Variants in RALGPS2 observed in about 807,000 individuals in gnomAD.
RALGPS2 encodes the protein ras-specific guanine nucleotide-releasing factor RalGPS2.
Under a neutral mutation model 86.8 loss-of-function variants are expected in RALGPS2, and 43 were observed. That is an observed-to-expected ratio of 0.50 (90% CI 0.39 to 0.64). The LOEUF (loss-of-function observed/expected upper bound fraction) is 0.64, where lower values mean the gene tolerates loss of function less well. Among genes scored for constraint, RALGPS2 ranks in the 30% least tolerant of loss-of-function variants. RALGPS2 has a pLI of 0.00. For synonymous variants in RALGPS2, 243 were observed against 231.3 expected, an observed-to-expected ratio of 1.05 and a Z score of -0.46; for missense variants, 536 against 694.6, an observed-to-expected ratio of 0.77 and a Z score of 2.57.
At chr1:178,740,795 C>T (rs151159408) in intron 1 of RALGPS2, among the ~76,000 whole-genome samples, 2 of 152,164 alleles carry the variant, frequency 1.3e-5, no homozygotes, top group African/African-American at 4.8e-5. Context: ...TCCCCACCCC[C>T]AGGAAAGATT....
chr1:178,772,104 T>C (rs1652838836), intron 1 of RALGPS2, among the ~76,000 whole-genome samples: 1 of 152,222 alleles, frequency 6.6e-6, no homozygotes, highest in Admixed American at 6.5e-5. Flanking sequence ...CACACTAATA[T>C]GCTATGTTCC....
intron 1 of RALGPS2, among the ~76,000 whole-genome samples, chr1:178,729,491 T>A (rs1431547164): frequency 6.6e-6 from 1 of 152,112 alleles, no homozygotes; most frequent in Non-Finnish European, 1.5e-5. Context: ...GTTCCTTTTT[T>A]AAAAAAAGAT....
chr1:178,801,250 T>TA (rs1654457365), intron 4 of RALGPS2, among the ~76,000 whole-genome samples: 1 of 152,066 alleles, frequency 6.6e-6, no homozygotes, highest in African/African-American at 2.4e-5. Flanking sequence ...TATGTGCATA[T>TA]GTGGGTCTCT....
chr1:178,791,287 ATTTTTT>A (rs563179993), intron 4 of RALGPS2, among the ~76,000 whole-genome samples: 4 of 128,322 alleles, frequency 3.1e-5, no homozygotes, highest in Non-Finnish European at 3.3e-5. Context: ...CACCTGCCTA[ATTTTTT>A]TTTTTTTTTT....
chr1:178,863,036 T>C (rs1261795708), intron 8 of RALGPS2, among the ~76,000 whole-genome samples: 1 of 152,232 alleles, frequency 6.6e-6, no homozygotes, highest in Non-Finnish European at 1.5e-5. Context: ...AATACTGTTA[T>C]TCCCATTTCA....
At chr1:178,856,425 T>TTTTTTTC (rs1558152837) in intron 8 of RALGPS2, among the ~76,000 whole-genome samples, 1 of 126,510 alleles carries the variant, frequency 7.9e-6, no homozygotes, top group East Asian at 2.3e-4. Flanking sequence ...TTTTTTTTTT[T>TTTTTTTC]TGAGAGATGA....
chr1:178,727,280 G>A (rs757000450), intron 1 of RALGPS2, among the ~76,000 whole-genome samples: 4 of 151,072 alleles, frequency 2.6e-5, no homozygotes, highest in African/African-American at 9.8e-5. Flanking sequence ...GCTCAGGCTG[G>A]TCTCAGACTC....
Position 178,727,229 on chromosome 1 carries a change from A to C in RALGPS2, c.-84+1810A>C, listed in dbSNP as rs180843596. 1.0e-4 allele frequency among the ~76,000 whole-genome samples: 15 copies of C among 147,456 alleles called. No homozygotes were observed. The East Asian group carries it at 2.2e-3, about 21-fold the overall frequency. The stretch of plus-strand genomic sequence containing the variant: ...ATGTGCGTTTTTCCCATTATATTCC[A>C]CTTTTTTTTTTTTCCTTTTAAGATA... On this transcript the variant is annotated intron_variant, in intron 1 of 19. Coordinates refer to ENST00000367635, the MANE Select transcript of RALGPS2 (RefSeq NM_152663.5).
At chr1:178,789,617 G>A (rs1327778810) in intron 4 of RALGPS2, among the ~76,000 whole-genome samples, 1 of 152,150 alleles carries the variant, frequency 6.6e-6, no homozygotes, top group African/African-American at 2.4e-5. Flanking sequence ...TGTTGAGTTT[G>A]GGAATGTATA....
At chr1:178,734,019 A>G (rs1165094171) in intron 1 of RALGPS2, among the ~76,000 whole-genome samples, 1 of 152,256 alleles carries the variant, frequency 6.6e-6, no homozygotes, top group African/African-American at 2.4e-5. Flanking sequence ...CTATAACTCA[A>G]TAATAAAAAG....
intron 4 of RALGPS2, among the ~76,000 whole-genome samples, chr1:178,794,610 C>T (rs1356418853): frequency 6.6e-6 from 1 of 152,134 alleles, no homozygotes; most frequent in Non-Finnish European, 1.5e-5. Flanking sequence ...CTTCAGAAGG[C>T]ATTGCTACAT....
chr1:178,854,365 G>A (rs923209551), intron 8 of RALGPS2, among the ~76,000 whole-genome samples: 14 of 152,094 alleles, frequency 9.2e-5, no homozygotes, highest in Non-Finnish European at 1.9e-4. Context: ...TGCAAATGGG[G>A]TCAGTCAAAT....
At chr1:178,877,776 G>A in intron 9 of RALGPS2, 141 bp downstream of exon 9, 1 of 1,092,558 alleles carries the variant, frequency 9.2e-7, no homozygotes, top group South Asian at 1.6e-5. Flanking sequence ...AATAATGCTT[G>A]TTTTATTTTG....
At chr1:178,881,175 A>G (rs1198097196) in intron 10 of RALGPS2, among the ~76,000 whole-genome samples, 1 of 152,182 alleles carries the variant, frequency 6.6e-6, no homozygotes, top group Non-Finnish European at 1.5e-5. Flanking sequence ...AACCATAATA[A>G]AGATATGCCA....
At position 178,827,417 on chromosome 1, in the gene RALGPS2, C is replaced by T. The variant is rs1216725555; in HGVS notation, c.480+5713C>T. On this transcript the variant is annotated intron_variant, in intron 7 of 19. Transcript: ENST00000367635. ...ATTTTTTTTTTTTTTTTTTTTGAGA[C>T]GGAGTCTCGCTCTGTCGCCCAGGCT... Among the ~76,000 whole-genome samples the T allele has an allele frequency of 1.4e-3, 181 of 125,316 alleles. 2 individuals carry two copies. The highest frequency in any genetic ancestry group is 5.3e-3 in the African/African-American group (154 of 29,184). The allele number at this position is 125,316 out of a possible 152,430, so 82.2% of individuals were successfully genotyped here. A position where few individuals can be genotyped will look rare whatever the true frequency, so the allele number is the denominator to read the frequency against.
chr1:178,761,716 A>C (rs915933268), intron 1 of RALGPS2, among the ~76,000 whole-genome samples: 7 of 151,822 alleles, frequency 4.6e-5, no homozygotes, highest in Non-Finnish European at 1.0e-4. Flanking sequence ...ACGCACCATC[A>C]CACCTGGCTA....
At chr1:178,742,437 A>C (rs2102024538) in intron 1 of RALGPS2, among the ~76,000 whole-genome samples, 1 of 152,340 alleles carries the variant, frequency 6.6e-6, no homozygotes, top group African/African-American at 2.4e-5. Context: ...TGCCCCTAAT[A>C]ACAGAATTTC....
intron 1 of RALGPS2, among the ~76,000 whole-genome samples, chr1:178,744,849 G>A (rs1651229156): frequency 6.6e-6 from 1 of 151,072 alleles, no homozygotes. Context: ...AAAGGAAAAG[G>A]CATCCAGACT....
chr1:178,905,452 C>T (rs950392727), intron 18 of RALGPS2, among the ~76,000 whole-genome samples: 2 of 152,038 alleles, frequency 1.3e-5, no homozygotes, highest in Non-Finnish European at 2.9e-5. Context: ...CTTTTTTTCA[C>T]ATTGACCTAA....
Sources: gnomAD v4.1 joint callset for allele counts (sites outside exome capture counted in the v4.1 genomes callset) on GRCh38, gnomAD v4.1.1 for gene constraint, MANE v1.5 for transcripts, NCBI Gene and HGNC (gene_info 2026-07-23, HGNC 2026-07-21) for gene names.